Variants in MVP observed in about 807,000 individuals in gnomAD.
MVP encodes lung resistance-related protein.
MVP carries 62 observed loss-of-function variants against 83.5 expected under a neutral mutation model. That is an observed-to-expected ratio of 0.74 (90% CI 0.61 to 0.92). The LOEUF (loss-of-function observed/expected upper bound fraction) is 0.92, where lower values mean the gene tolerates loss of function less well. Ranked by LOEUF, MVP falls within the 40% of genes least tolerant of loss-of-function variation. MVP has a pLI of 0.00. For missense variants in MVP, 1,000 were observed against 1,203.4 expected (o/e 0.83, Z 2.50); for synonymous variants, 505 against 504.1 (o/e 1.00, Z -0.02).
chr16:29,823,172 G>GC (rs1159142113), intron 1 of MVP, among the ~76,000 whole-genome samples: 2 of 132,852 alleles, frequency 1.5e-5, no homozygotes, highest in Non-Finnish European at 3.1e-5. Flanking sequence ...CCAGGCTAGA[G>GC]CGCACTCGTG....
chr16:29,840,871 G>A (rs773731946), intron 8 of MVP, among the ~76,000 whole-genome samples: 3 of 150,606 alleles, frequency 2.0e-5, no homozygotes, highest in South Asian at 2.1e-4. Flanking sequence ...ACTGGGAAGC[G>A]GAGGTTGCAG....
In MVP at chr16:29,841,474, G is replaced by T; in HGVS notation, c.1192-122G>T. 1.5e-6 allele frequency: 2 copies of T among 1,303,296 alleles called. No individual in the cohort carries two copies. The highest frequency in any genetic ancestry group is 2.5e-5 in the East Asian group (1 of 40,692). 80.7% of individuals were successfully genotyped at this position (1,303,296 alleles called of 1,614,324 possible). The stretch of plus-strand genomic sequence containing the variant: ...ACCCGGGGTGGAGCCTGGCCTCCCC[G>T]TAGAGAAGGTGTTTAACCTCGTGGC... On this transcript the variant is annotated intron_variant, in intron 8 of 14. Transcript: ENST00000357402. This position sits in a 1 kb window ranked among gnomAD's most constrained non-coding sequence, Gnocchi z 4.7.
At chr16:29,843,554 G>GGGAGGAAGGGAGGGAGGGAGGGAGGA in intron 10 of MVP, among the ~76,000 whole-genome samples, 2 of 19,478 alleles carry the variant, frequency 1.0e-4, no homozygotes, top group East Asian at 4.3e-3. Flanking sequence ...GGAAGGGAGG[G>GGGAGGAAGGGAGGGAGGGAGGGAGGA]AGGGAGGGAG....
At chr16:29,831,931 G>A (rs967789102) in intron 3 of MVP, among the ~76,000 whole-genome samples, 1 of 152,196 alleles carries the variant, frequency 6.6e-6, no homozygotes, top group Non-Finnish European at 1.5e-5. Flanking sequence ...TAATGGTTTT[G>A]GGTTTTTTGT....
Position 29,844,824 on chromosome 16 carries a change from C to G in MVP, c.1966C>G (p.Arg656Gly), listed in dbSNP as rs1314397196. ...VDQRTRDALQ[R>G]SVQLAIEITT... The stretch of plus-strand genomic sequence containing the variant: ...TCAGAGGACCCGGGACGCCCTGCAA[C>G]GCAGCGTCCAGCTGGCCATCGAGAT... Residue 656 changes from arginine (R) to glycine (G), a missense_variant, in exon 11 of 15, where the codon CGC (arginine) becomes GGC (glycine). Transcript: ENST00000357402. 1 of 1,607,560 alleles carries G rather than the reference C, an allele frequency of 6.2e-7. No homozygotes were observed. Among genetic ancestry groups the G allele is most frequent in the Non-Finnish European group, 8.5e-7 (1 of 1,179,946 alleles).
Position 29,844,785 on chromosome 16 carries a change from G to C in MVP, c.1927G>C (p.Val643Leu), listed in dbSNP as rs143138964. The C allele has an allele frequency of 6.2e-7, 1 of 1,610,380 alleles. No individual in the cohort carries two copies. The highest frequency in any genetic ancestry group is 8.5e-7 in the Non-Finnish European group (1 of 1,180,018). ...GGTCAGCAGTGTGGACGTGCAGTCAGTGGAGCCTGTGGATCAGAGGACCCG... is the reference window on the plus strand; with the variant it reads ...GGTCAGCAGTGTGGACGTGCAGTCACTGGAGCCTGTGGATCAGAGGACCCG... ...LVVSSVDVQS[V>L]EPVDQRTRDA... The change falls in exon 11 of 15, where the codon GTG becomes CTG. Residue 643 changes from valine (V) to leucine (L), a missense_variant. Coordinates refer to ENST00000357402, the MANE Select transcript of MVP (RefSeq NM_005115.5).
At chr16:29,823,798 T>TG (rs1240893898) in intron 1 of MVP, among the ~76,000 whole-genome samples, 1 of 147,164 alleles carries the variant, frequency 6.8e-6, no homozygotes, top group Non-Finnish European at 1.5e-5. Flanking sequence ...TCCGAGATCG[T>TG]GCCACTGCAC....
chr16:29,826,496 A>G (rs2067405235), intron 1 of MVP, among the ~76,000 whole-genome samples: 2 of 152,138 alleles, frequency 1.3e-5, no homozygotes, highest in Middle Eastern at 3.4e-3. Context: ...GTGTGGCAGT[A>G]CGTATCTACA....
Position 29,848,020 on chromosome 16 carries a change from C to T in MVP, c.*31C>T. The T allele has an allele frequency of 6.3e-7, 1 of 1,593,588 alleles. No individual in the cohort carries two copies. The highest frequency in any genetic ancestry group is 8.6e-7 in the Non-Finnish European group (1 of 1,168,052). ...GATTAATACAATGGAAGTTTCTGGG[C>T]ATTTACAATTTCAACACTTTTCTCT... On this transcript the variant is annotated 3_prime_UTR_variant, in exon 15 of 15. Transcript: ENST00000357402.
intron 7 of MVP, among the ~76,000 whole-genome samples, chr16:29,837,782 G>A (rs1018903220): frequency 2.6e-5 from 4 of 151,858 alleles, no homozygotes; most frequent in African/African-American, 7.3e-5. Flanking sequence ...ATAATCTTAC[G>A]GGACCACCAT....
chr16:29,824,778 A>G (rs1162151200), intron 1 of MVP, among the ~76,000 whole-genome samples: 2 of 152,160 alleles, frequency 1.3e-5, no homozygotes, highest in Non-Finnish European at 2.9e-5. Context: ...GATTCAGTAT[A>G]TCAGCTACTC....
At chr16:29,828,442 C>T (rs981472311) in intron 1 of MVP, among the ~76,000 whole-genome samples, 4 of 150,582 alleles carry the variant, frequency 2.7e-5, no homozygotes, top group East Asian at 4.0e-4. Context: ...TGCAATGGCA[C>T]GATCTCTGCT....
chr16:29,826,621 CA>C (rs35848068), intron 1 of MVP, among the ~76,000 whole-genome samples: 1,950 of 87,940 alleles, frequency 0.022, 23 homozygotes, highest in African/African-American at 0.051. Context: ...GACCTTATCT[CA>C]AAAAAAAAAA....
chr16:29,844,204 G>T (rs1465630460), intron 10 of MVP, among the ~76,000 whole-genome samples: 1 of 152,188 alleles, frequency 6.6e-6, no homozygotes, highest in Non-Finnish European at 1.5e-5. Context: ...GGGATTAAAG[G>T]AGAACGTGTG....
intron 7 of MVP, among the ~76,000 whole-genome samples, chr16:29,839,904 G>A (rs2067519552): frequency 6.6e-6 from 1 of 151,706 alleles, no homozygotes; most frequent in Non-Finnish European, 1.5e-5. Flanking sequence ...AGAAAAAACA[G>A]GTTGATTTTT....
intron 8 of MVP, among the ~76,000 whole-genome samples, chr16:29,840,721 C>T (rs923633422): frequency 3.3e-5 from 5 of 152,144 alleles, no homozygotes; most frequent in Non-Finnish European, 7.3e-5. Flanking sequence ...GCGGGCGGAT[C>T]ACCTGAGGTC....
At chr16:29,835,549 G>A in intron 5 of MVP, 155 bp from the exon 6 acceptor site, 1 of 363,474 alleles carries the variant, frequency 2.8e-6, no homozygotes, top group Non-Finnish European at 5.2e-6. Context: ...TCAAAAGAAT[G>A]AATAAGAGGA....
chr16:29,842,592 A>G (rs2067544373), intron 10 of MVP, among the ~76,000 whole-genome samples: 1 of 152,186 alleles, frequency 6.6e-6, no homozygotes, highest in African/African-American at 2.4e-5. Context: ...GGCATGAGCC[A>G]CTGCACCCGG....
intron 1 of MVP, among the ~76,000 whole-genome samples, chr16:29,828,576 C>T (rs1259698543): frequency 4.5e-4 from 69 of 152,242 alleles, no homozygotes; most frequent in South Asian, 4.1e-4. Context: ...GACGGGGTTT[C>T]GCCATGTTGG....
Sources: allele counts gnomAD v4.1 joint callset (sites outside exome capture counted in the v4.1 genomes callset), GRCh38; gene constraint gnomAD v4.1.1; non-coding constraint Gnocchi (gnomAD v3.1); transcripts MANE v1.5; gene names NCBI Gene and HGNC (gene_info 2026-07-23, HGNC 2026-07-21).